Variants in CCDC85A observed in about 807,000 individuals in gnomAD.
CCDC85A encodes the protein coiled-coil domain containing 85A.
In CCDC85A, 38 loss-of-function variants were observed where a neutral mutation model predicts 50.2. The ratio of observed to expected loss-of-function variants is 0.76; its 90% CI spans 0.58 to 0.99. The LOEUF (loss-of-function observed/expected upper bound fraction) is 0.99, where lower values mean the gene tolerates loss of function less well. Among genes scored for constraint, CCDC85A ranks in the 50% least tolerant of loss-of-function variants. The pLI, the probability that CCDC85A is intolerant of heterozygous loss-of-function variation, is 0.00. For missense variants in CCDC85A, 820 were observed against 742.0 expected, an observed-to-expected ratio of 1.11 and a Z score of -1.22; for synonymous variants, 366 against 301.4, an observed-to-expected ratio of 1.21 and a Z score of -2.22.
Position 56,192,650 on chromosome 2 carries a change from C to A in CCDC85A, c.450C>A (p.Asp150Glu). 1.2e-6 allele frequency: 2 copies of A among 1,613,856 alleles called. No individual in the cohort carries two copies. The highest frequency in any genetic ancestry group is 1.7e-6 in the Non-Finnish European group (2 of 1,179,856). Residue 150 changes from aspartate (D) to glutamate (E), a missense_variant, in exon 2 of 6, where the codon GAC (aspartate) becomes GAA (glutamate). Coordinates refer to ENST00000407595, the MANE Select transcript of CCDC85A (RefSeq NM_001080433.2). This position sits in a 1 kb window ranked among gnomAD's most constrained non-coding sequence, Gnocchi z 4.7. ...CCTTATACCTGCAGAAGCTGAAAGA[C>A]CTGGAGGTGAAGCAGGAGGAAGTGG... ...EVALYLQKLK[D>E]LEVKQEEVVK...
intron 2 of CCDC85A, among the ~76,000 whole-genome samples, chr2:56,208,882 T>A (rs1028409610): frequency 1.3e-5 from 2 of 151,998 alleles, no homozygotes; most frequent in Non-Finnish European, 2.9e-5. Flanking sequence ...AAAACAAAAT[T>A]TCCTTGGTAC....
chr2:56,189,711 G>C (rs147982234), intron 1 of CCDC85A, among the ~76,000 whole-genome samples: 1 of 152,160 alleles, frequency 6.6e-6, no homozygotes, highest in Non-Finnish European at 1.5e-5. Context: ...CATAGTATCC[G>C]ATAGTTTTTT....
At chr2:56,249,636 T>C (rs1397306771) in intron 2 of CCDC85A, among the ~76,000 whole-genome samples, 1 of 152,222 alleles carries the variant, frequency 6.6e-6, no homozygotes. Flanking sequence ...TTGTTACATA[T>C]CAGTTTTCTC....
At chr2:56,189,089 C>T (rs1295946004) in intron 1 of CCDC85A, among the ~76,000 whole-genome samples, 3 of 152,104 alleles carry the variant, frequency 2.0e-5, no homozygotes, top group Non-Finnish European at 2.9e-5. Context: ...AATCTCTCCT[C>T]TTAGGTTCAT....
chr2:56,372,296 G>A, intron 3 of CCDC85A, 48 bp from the exon 4 acceptor site: 2 of 1,453,834 alleles, frequency 1.4e-6, no homozygotes, highest in Non-Finnish European at 1.8e-6. Flanking sequence ...TGAGACTTGG[G>A]AAACAGTATT....
At chr2:56,366,349 C>A (rs1280216861) in intron 3 of CCDC85A, among the ~76,000 whole-genome samples, 2 of 152,164 alleles carry the variant, frequency 1.3e-5, no homozygotes, top group East Asian at 3.8e-4. Context: ...TCCATAATAG[C>A]TATACTTATT....
At chr2:56,328,683 A>G (rs1397497213) in intron 2 of CCDC85A, among the ~76,000 whole-genome samples, 1 of 152,182 alleles carries the variant, frequency 6.6e-6, no homozygotes, top group Non-Finnish European at 1.5e-5. Context: ...ATATTCGTTC[A>G]TGCCAAAAAT....
intron 2 of CCDC85A, among the ~76,000 whole-genome samples, chr2:56,220,225 C>G (rs1432024709): frequency 6.8e-6 from 1 of 147,964 alleles, no homozygotes; most frequent in African/African-American, 2.4e-5. Flanking sequence ...TCCATAATCC[C>G]TTTTGATTTT....
chr2:56,203,516 C>G (rs1015440591), intron 2 of CCDC85A, among the ~76,000 whole-genome samples: 1 of 152,014 alleles, frequency 6.6e-6, no homozygotes, highest in South Asian at 2.1e-4. Flanking sequence ...CACTTTGGGG[C>G]TTATTGGCCT....
chr2:56,307,119 C>T (rs1672480418), intron 2 of CCDC85A, among the ~76,000 whole-genome samples: 2 of 152,012 alleles, frequency 1.3e-5, no homozygotes, highest in African/African-American at 2.4e-5. Context: ...TAATTTAGTT[C>T]CTATGCTTTG....
chr2:56,232,346 A>C (rs1668809477), intron 2 of CCDC85A, among the ~76,000 whole-genome samples: 1 of 152,254 alleles, frequency 6.6e-6, no homozygotes, highest in South Asian at 2.1e-4. Context: ...TTCAAACCAA[A>C]TATCTCCTAG....
At chr2:56,228,523 A>G (rs982865873) in intron 2 of CCDC85A, among the ~76,000 whole-genome samples, 14 of 147,676 alleles carry the variant, frequency 9.5e-5, no homozygotes, top group African/African-American at 3.6e-4. Flanking sequence ...TCTCCCCTTT[A>G]TTTTTTATTT....
intron 2 of CCDC85A, among the ~76,000 whole-genome samples, chr2:56,203,270 T>G (rs1038340768): frequency 5.3e-5 from 8 of 152,174 alleles, no homozygotes; most frequent in Non-Finnish European, 1.2e-4. Context: ...CCAGGTGGTT[T>G]GCCATGAATA....
chr2:56,245,141 GC>G (rs1669444819), intron 2 of CCDC85A, among the ~76,000 whole-genome samples: 1 of 152,182 alleles, frequency 6.6e-6, no homozygotes, highest in Admixed American at 6.5e-5. Context: ...ACTAGGACAT[GC>G]CCAGGAGTTG....
At chr2:56,219,965 A>G (rs1174626205) in intron 2 of CCDC85A, among the ~76,000 whole-genome samples, 1 of 151,972 alleles carries the variant, frequency 6.6e-6, no homozygotes, top group African/African-American at 2.4e-5. Flanking sequence ...GCAGTGATCT[A>G]TGGGAACAAA....
At chr2:56,372,890 C>T (rs1299082855) in intron 4 of CCDC85A, among the ~76,000 whole-genome samples, 2 of 152,160 alleles carry the variant, frequency 1.3e-5, no homozygotes, top group African/African-American at 4.8e-5. Flanking sequence ...GCCACTTAAT[C>T]TGGAAATCAC....
At chr2:56,247,580 G>A (rs1158805514) in intron 2 of CCDC85A, among the ~76,000 whole-genome samples, 1 of 152,140 alleles carries the variant, frequency 6.6e-6, no homozygotes, top group Non-Finnish European at 1.5e-5. Context: ...GTTTAAAGTT[G>A]AAGTGTTTCA....
At position 56,385,640 on chromosome 2, in the gene CCDC85A, G is replaced by A. The variant is rs1676789254; in HGVS notation, c.*1285G>A. The A allele has an allele frequency of 6.6e-6, 1 of 152,116 alleles. No homozygotes were observed. Among genetic ancestry groups the A allele is most frequent in the African/African-American group, 2.4e-5 (1 of 41,398 alleles). The allele number at this position is 152,116 out of a possible 1,614,324, so 9.4% of individuals were successfully genotyped here. A position where few individuals can be genotyped will look rare whatever the true frequency, so the allele number is the denominator to read the frequency against. The stretch of plus-strand genomic sequence containing the variant: ...GTTTTTGGATAGGTTCTAAATTTCT[G>A]AGATTTGATTCATGGCAGATATTCT... On this transcript the variant is annotated 3_prime_UTR_variant, in exon 6 of 6. Transcript: ENST00000407595.
intron 4 of CCDC85A, 117 bp from the exon 5 acceptor site, chr2:56,375,699 G>A (rs1269982576): frequency 3.6e-6 from 4 of 1,098,464 alleles, no homozygotes; most frequent in Non-Finnish European, 5.4e-6. Context: ...GACTAGGTTA[G>A]GAAAAAGTAA....
Sources: allele counts gnomAD v4.1 joint callset (sites outside exome capture counted in the v4.1 genomes callset), GRCh38; gene constraint gnomAD v4.1.1; non-coding constraint Gnocchi (gnomAD v3.1); transcripts MANE v1.5; gene names NCBI Gene and HGNC (gene_info 2026-07-23, HGNC 2026-07-21).